Variants in KCNH7 observed in about 807,000 individuals in gnomAD.
KCNH7 encodes voltage-gated inwardly rectifying potassium channel KCNH7.
In KCNH7, 49 loss-of-function variants were observed where a neutral mutation model predicts 120.8. The observed-to-expected ratio is 0.41, with a 90% confidence interval of 0.32 to 0.51. The LOEUF is 0.51. Ranked by LOEUF, KCNH7 falls within the 20% of genes least tolerant of loss-of-function variation. The pLI, the probability that KCNH7 is intolerant of heterozygous loss-of-function variation, is 0.38. For synonymous variants in KCNH7, 547 were observed against 516.1 expected, an observed-to-expected ratio of 1.06 and a Z score of -0.81; for missense variants, 1,097 against 1,446.6, an observed-to-expected ratio of 0.76 and a Z score of 3.92.
chr2:162,439,170 A>T (rs1688345873), intron 7 of KCNH7, among the ~76,000 whole-genome samples: 1 of 152,142 alleles, frequency 6.6e-6, no homozygotes. Context: ...AATATAATAA[A>T]TGTAACTATC....
chr2:162,541,959 T>A (rs1692319438), intron 2 of KCNH7, among the ~76,000 whole-genome samples: 1 of 152,094 alleles, frequency 6.6e-6, no homozygotes. Flanking sequence ...TCTATGTTCT[T>A]GAAATTCAGT....
At chr2:162,720,115 T>A (rs979072120) in intron 2 of KCNH7, among the ~76,000 whole-genome samples, 1 of 151,970 alleles carries the variant, frequency 6.6e-6, no homozygotes, top group Admixed American at 6.6e-5. Flanking sequence ...TGAATCCAAC[T>A]GGATTTGCAT....
At chr2:162,714,405 G>C (rs1442737423) in intron 2 of KCNH7, among the ~76,000 whole-genome samples, 1 of 152,104 alleles carries the variant, frequency 6.6e-6, no homozygotes, top group East Asian at 1.9e-4. Context: ...CCGTGAGGGA[G>C]GAAAATAAGG....
At chr2:162,405,378 A>G (rs918617534) in intron 9 of KCNH7, among the ~76,000 whole-genome samples, 11 of 152,014 alleles carry the variant, frequency 7.2e-5, no homozygotes, top group African/African-American at 2.7e-4. Context: ...TAACCCAACA[A>G]CAACAAAACA....
chr2:162,747,722 A>C (rs1343236401), intron 2 of KCNH7, among the ~76,000 whole-genome samples: 2 of 152,182 alleles, frequency 1.3e-5, no homozygotes, highest in Non-Finnish European at 2.9e-5. Flanking sequence ...AAAACTAACC[A>C]GGTAGTTTGA....
At chr2:162,400,851 T>C (rs1342626170) in intron 9 of KCNH7, among the ~76,000 whole-genome samples, 3 of 151,858 alleles carry the variant, frequency 2.0e-5, no homozygotes, top group Non-Finnish European at 4.4e-5. Context: ...CTCAAGTCAA[T>C]TTAGGTTGCC....
At chr2:162,758,228 G>A (rs948174424) in intron 2 of KCNH7, among the ~76,000 whole-genome samples, 1 of 152,106 alleles carries the variant, frequency 6.6e-6, no homozygotes, top group East Asian at 1.9e-4. Flanking sequence ...GTCAGGGAAG[G>A]TTCTCTGGAG....
intron 2 of KCNH7, among the ~76,000 whole-genome samples, chr2:162,822,170 A>T (rs912303975): frequency 2.2e-5 from 3 of 134,814 alleles, no homozygotes; most frequent in African/African-American, 7.6e-5. Context: ...ATGATGTAAA[A>T]ATTTGTTTTA....
At chr2:162,581,716 G>A (rs1361191106) in intron 2 of KCNH7, among the ~76,000 whole-genome samples, 1 of 151,910 alleles carries the variant, frequency 6.6e-6, no homozygotes, top group African/African-American at 2.4e-5. Context: ...CTATTTCATT[G>A]GGTAATATTT....
intron 2 of KCNH7, among the ~76,000 whole-genome samples, chr2:162,550,343 G>A (rs1692627552): frequency 6.6e-6 from 1 of 152,130 alleles, no homozygotes. Context: ...ATAGAGAGAA[G>A]GTGCTACACG....
chr2:162,649,655 C>T (rs564044236), intron 2 of KCNH7, among the ~76,000 whole-genome samples: 1 of 151,968 alleles, frequency 6.6e-6, no homozygotes, highest in African/African-American at 2.4e-5. Flanking sequence ...GCATGAAAGA[C>T]TTCTGTGATC....
chr2:162,567,068 T>G (rs1693280663), intron 2 of KCNH7, among the ~76,000 whole-genome samples: 1 of 151,860 alleles, frequency 6.6e-6, no homozygotes, highest in Admixed American at 6.6e-5. Context: ...ATAAGACAAC[T>G]GAAAAAGTAA....
chr2:162,685,045 C>T (rs761921254), intron 2 of KCNH7, among the ~76,000 whole-genome samples: 3 of 151,890 alleles, frequency 2.0e-5, no homozygotes, highest in Non-Finnish European at 2.9e-5. Context: ...ATGTCCTTTG[C>T]GGGGACATGG....
chr2:162,446,522 C>T (rs1688585448), intron 6 of KCNH7, 79 bp from the exon 7 acceptor site: 1 of 1,008,692 alleles, frequency 9.9e-7, no homozygotes, highest in Non-Finnish European at 1.4e-6. Flanking sequence ...ATTAAGGGAA[C>T]TAATTATACA....
At chr2:162,729,916 G>A (rs1559104465) in intron 2 of KCNH7, among the ~76,000 whole-genome samples, 1 of 151,722 alleles carries the variant, frequency 6.6e-6, no homozygotes, top group Non-Finnish European at 1.5e-5. Context: ...TGATCATATG[G>A]TTTTCCTATT....
At chr2:162,454,027 C>T (rs1473048817) in intron 6 of KCNH7, among the ~76,000 whole-genome samples, 1 of 152,086 alleles carries the variant, frequency 6.6e-6, no homozygotes, top group Non-Finnish European at 1.5e-5. Context: ...GAAGTCTTTG[C>T]CCAAGCCTAT....
intron 14 of KCNH7, among the ~76,000 whole-genome samples, chr2:162,376,317 T>C (rs963284747): frequency 2.0e-5 from 3 of 151,726 alleles, no homozygotes; most frequent in African/African-American, 7.3e-5. Flanking sequence ...GAAGGAATCA[T>C]TACTAACAAT....
intron 5 of KCNH7, among the ~76,000 whole-genome samples, chr2:162,510,153 C>A (rs1439345265): frequency 6.6e-6 from 1 of 151,536 alleles, no homozygotes; most frequent in Non-Finnish European, 1.5e-5. Context: ...TTTGAAATAA[C>A]TTTTCCACTC....
At chr2:162,655,166 A>G (rs1347468661) in intron 2 of KCNH7, among the ~76,000 whole-genome samples, 3 of 152,190 alleles carry the variant, frequency 2.0e-5, no homozygotes, top group African/African-American at 7.2e-5. Flanking sequence ...GAAGTAATGC[A>G]TACATTAATT....
Sources: allele counts gnomAD v4.1 joint callset (sites outside exome capture counted in the v4.1 genomes callset), GRCh38; gene constraint gnomAD v4.1.1; transcripts MANE v1.5; gene names NCBI Gene and HGNC (gene_info 2026-07-23, HGNC 2026-07-21).